ANO3: variants seen among roughly 807,000 people sequenced by gnomAD.
ANO3 encodes anoctamin-3.
Under a neutral mutation model 144.8 loss-of-function variants are expected in ANO3, and 99 were observed. The observed-to-expected ratio is 0.68, with a 90% CI of 0.58 to 0.81. The LOEUF (loss-of-function observed/expected upper bound fraction) is 0.81. Ranked by LOEUF, ANO3 falls within the 30% of genes least tolerant of loss-of-function variation. ANO3 has a pLI of 0.00. For synonymous variants in ANO3, 414 were observed against 392.6 expected, an observed-to-expected ratio of 1.05 and a Z score of -0.64; for missense variants, 905 against 1,202.2, an observed-to-expected ratio of 0.75 and a Z score of 3.66.
At chr11:26,262,614 C>G (rs191059023) in intron 1 of ANO3, among the ~76,000 whole-genome samples, 230 of 152,052 alleles carry the variant, frequency 1.5e-3, no homozygotes, top group African/African-American at 5.4e-3. Flanking sequence ...TGTTGAAATC[C>G]TAACACCCAA....
At chr11:26,250,679 T>C (rs969621556) in intron 1 of ANO3, among the ~76,000 whole-genome samples, 1 of 152,180 alleles carries the variant, frequency 6.6e-6, no homozygotes, top group African/African-American at 2.4e-5. Context: ...TTTTCTTCTG[T>C]GGGCATTTCA....
intron 1 of ANO3, among the ~76,000 whole-genome samples, chr11:26,257,609 T>C (rs1014512916): frequency 2.0e-5 from 3 of 152,084 alleles, no homozygotes; most frequent in Non-Finnish European, 4.4e-5. Context: ...ACTTTAAAAT[T>C]TTAAAGTACC....
intron 18 of ANO3, among the ~76,000 whole-genome samples, chr11:26,625,835 A>G (rs1852567290): frequency 6.6e-6 from 1 of 152,134 alleles, no homozygotes; most frequent in Non-Finnish European, 1.5e-5. Context: ...ATATTTTTCT[A>G]GAATTTGGAT....
At chr11:26,557,016 T>G (rs957586596) in intron 13 of ANO3, among the ~76,000 whole-genome samples, 4 of 152,132 alleles carry the variant, frequency 2.6e-5, no homozygotes, top group African/African-American at 9.7e-5. Flanking sequence ...CAGATATATA[T>G]CTCTTTAACA....
chr11:26,651,467 A>T (rs1853530010), intron 24 of ANO3, among the ~76,000 whole-genome samples: 1 of 152,202 alleles, frequency 6.6e-6, no homozygotes, highest in African/African-American at 2.4e-5. Context: ...ATAGAACCAG[A>T]TATGAGAACC....
chr11:26,347,077 G>A (rs1162035041), intron 1 of ANO3, among the ~76,000 whole-genome samples: 1 of 152,166 alleles, frequency 6.6e-6, no homozygotes, highest in African/African-American at 2.4e-5. Flanking sequence ...TTGTTAGGAG[G>A]TAATGTAAGA....
chr11:26,642,358 T>G (rs2133061491), intron 22 of ANO3, among the ~76,000 whole-genome samples: 1 of 144,770 alleles, frequency 6.9e-6, no homozygotes, highest in Admixed American at 6.9e-5. Context: ...TTTTTTTTTT[T>G]TTTTTTTGAG....
chr11:26,350,872 G>T (rs542767960), intron 1 of ANO3, among the ~76,000 whole-genome samples: 2 of 152,132 alleles, frequency 1.3e-5, no homozygotes, highest in African/African-American at 4.8e-5. Context: ...TTTATTAGGG[G>T]TAAGGTGCTC....
chr11:26,535,571 C>CTTTTTTTTTTTTTTTT (rs72278856), intron 9 of ANO3, among the ~76,000 whole-genome samples: 3 of 58,570 alleles, frequency 5.1e-5, no homozygotes, highest in Non-Finnish European at 2.8e-5. Context: ...AAGACAGCCA[C>CTTTTTTTTTTTTTTTT]TTTTTTTTTT....
chr11:26,560,986 T>G, intron 14 of ANO3: 7 of 1,414,696 alleles, frequency 4.9e-6, no homozygotes, highest in Non-Finnish European at 6.8e-6. Flanking sequence ...TAATTTTGTG[T>G]AACCTTTTGA....
At chr11:26,479,116 T>G (rs1860100372) in intron 4 of ANO3, among the ~76,000 whole-genome samples, 1 of 152,128 alleles carries the variant, frequency 6.6e-6, no homozygotes, top group Non-Finnish European at 1.5e-5. Context: ...TCCTGACAGC[T>G]CCATTTGGAT....
intron 14 of ANO3, among the ~76,000 whole-genome samples, chr11:26,591,467 G>T (rs980764904): frequency 6.6e-6 from 1 of 152,142 alleles, no homozygotes; most frequent in Non-Finnish European, 1.5e-5. Flanking sequence ...TTCTGGAAGA[G>T]ACATACTTAA....
chr11:26,207,518 A>G (rs1341318497), intron 1 of ANO3, among the ~76,000 whole-genome samples: 1 of 152,166 alleles, frequency 6.6e-6, no homozygotes, highest in East Asian at 1.9e-4. Context: ...GATAATAATA[A>G]TTACTCATTA....
chr11:26,562,949 T>C, intron 14 of ANO3: 1 of 920,004 alleles, frequency 1.1e-6, no homozygotes, highest in Non-Finnish European at 1.5e-6. Context: ...TCTATAATTA[T>C]TTTGGTTTTG....
At chr11:26,250,680 G>A (rs1852907353) in intron 1 of ANO3, among the ~76,000 whole-genome samples, 1 of 152,040 alleles carries the variant, frequency 6.6e-6, no homozygotes, top group African/African-American at 2.4e-5. Context: ...TTTCTTCTGT[G>A]GGCATTTCAC....
Position 26,582,835 on chromosome 11 carries a change from TTTG to T in ANO3, c.1448-15526_1448-15524del, listed in dbSNP as rs1297963685. Among the ~76,000 whole-genome samples the T allele has an allele frequency of 2.0e-5, 3 of 152,212 alleles. No individual in the cohort carries two copies. In the East Asian group the frequency reaches 5.8e-4, roughly 29 times the overall value. On this transcript the variant is annotated intron_variant, in intron 14 of 26. Coordinates refer to ENST00000256737, the MANE Select transcript of ANO3 (RefSeq NM_031418.4). ...AGACAAGGTGCTTACTCCTGTTATT[TTTG>T]TTGATGTTACATTTTTAATTAGAAA...
intron 4 of ANO3, among the ~76,000 whole-genome samples, chr11:26,488,770 T>A (rs7128247): frequency 1.1e-4 from 16 of 152,144 alleles, no homozygotes; most frequent in South Asian, 1.0e-3. Context: ...AGCAGCAACA[T>A]TTATCATGAA....
At chr11:26,338,802 C>T (rs764165250) in intron 1 of ANO3, among the ~76,000 whole-genome samples, 5 of 151,854 alleles carry the variant, frequency 3.3e-5, no homozygotes, top group African/African-American at 7.3e-5. Flanking sequence ...ACGAACCCAC[C>T]GGAAGGAAGA....
At chr11:26,226,812 C>A (rs1852266113) in intron 1 of ANO3, among the ~76,000 whole-genome samples, 3 of 152,024 alleles carry the variant, frequency 2.0e-5, no homozygotes. Flanking sequence ...CCAGTTTAAC[C>A]ATTTTTAAGT....
Sources: gnomAD v4.1 joint callset for allele counts (sites outside exome capture counted in the v4.1 genomes callset) on GRCh38, gnomAD v4.1.1 for gene constraint, MANE v1.5 for transcripts, NCBI Gene and HGNC (gene_info 2026-07-23, HGNC 2026-07-21) for gene names.